OR52N4: variants seen among roughly 807,000 people sequenced by gnomAD.
OR52N4 encodes olfactory receptor 52N4.
OR52N4 carries 15 observed loss-of-function variants against 15.0 expected under a neutral mutation model. The observed-to-expected ratio is 1.00, with a 90% CI of 0.67 to 1.54. The LOEUF is 1.54. OR52N4 is among the 40% of genes most tolerant of loss of function. The pLI is 0.00. For missense variants in OR52N4, 421 were observed against 394.0 expected (o/e 1.07, Z -0.58); for synonymous variants, 143 against 143.7 (o/e 1.00, Z 0.03).
chr11:5,748,068 G>A, the OR52N4 span, among the ~76,000 whole-genome samples: 1 of 151,824 alleles, frequency 6.6e-6, no homozygotes, highest in Non-Finnish European at 1.5e-5. Context: ...AGATCAAGCT[G>A]TTACATAAAT....
chr11:5,754,673 G>GTTTTT lies in OR52N4; in HGVS notation c.-48-13_-48-9dup. The GTTTTT allele has an allele frequency of 8.3e-7, 1 of 1,205,014 alleles. No individual in the cohort carries two copies. The highest frequency in any genetic ancestry group is 1.1e-6 in the Non-Finnish European group (1 of 893,096). The allele number at this position is 1,205,014 out of a possible 1,614,324, so 74.6% of individuals were successfully genotyped here. A position where few individuals can be genotyped will look rare whatever the true frequency, so the allele number is the denominator to read the frequency against. ...GTAAAAATAACCTATATTTTCTCTTGTTTTTTTTTTTAACTCTAGGAAAGC... is the reference window on the plus strand; with the variant it reads ...GTAAAAATAACCTATATTTTCTCTTGTTTTTTTTTTTTTTTTAACTCTAGGAAAGC... On this transcript the variant is annotated intron_variant, in intron 1 of 1. Transcript: ENST00000641350.
At chr11:5,728,440 T>C in the OR52N4 span, among the ~76,000 whole-genome samples, 1 of 152,230 alleles carries the variant, frequency 6.6e-6, no homozygotes, top group South Asian at 2.1e-4. Flanking sequence ...TGGAAACCAG[T>C]TACTGTACAT....
At chr11:5,734,043 A>C in the OR52N4 span, 1 of 393,180 alleles carries the variant, frequency 2.5e-6, no homozygotes, top group Non-Finnish European at 5.0e-6. Flanking sequence ...GAGATCTATT[A>C]TGCTTAGGTC....
chr11:5,755,176 G>C lies in OR52N4; in HGVS notation c.436G>C (p.Val146Leu). The C allele has an allele frequency of 6.2e-7, 1 of 1,614,008 alleles. No homozygotes were observed. Among genetic ancestry groups the C allele is most frequent in the Non-Finnish European group, 8.5e-7 (1 of 1,179,966 alleles). ...CCTCACCAATCCTGTAATTGCAAAGGTTGGGACTGCCACCTTCCTGAGAGG... is the reference window on the plus strand; with the variant it reads ...CCTCACCAATCCTGTAATTGCAAAGCTTGGGACTGCCACCTTCCTGAGAGG... ...TILTNPVIAK[V>L]GTATFLRGVL... The change falls in exon 2 of 2, where the codon GTT becomes CTT. Residue 146 changes from valine (V) to leucine (L), a missense_variant. By Grantham distance (32) the Val-to-Leu change is conservative. Transcript: ENST00000641350.
chr11:5,746,320 G>C, the OR52N4 span, among the ~76,000 whole-genome samples: 4 of 152,228 alleles, frequency 2.6e-5, no homozygotes, highest in South Asian at 2.1e-4. Context: ...AAACTAAAAA[G>C]CTTCTGCAAA....
At chr11:5,752,360 C>T (rs1854208191), upstream of OR52N4, among the ~76,000 whole-genome samples, 1 of 152,216 alleles carries the variant, frequency 6.6e-6, no homozygotes, top group Non-Finnish European at 1.5e-5. Context: ...TCCTCTTCAT[C>T]TTACCCAATA....
At chr11:5,737,522 G>C in the OR52N4 span, 2 of 1,572,560 alleles carry the variant, frequency 1.3e-6, no homozygotes, top group African/African-American at 2.7e-5. Context: ...ATGAACCTCA[G>C]CTTCTCCTAA....
At chr11:5,753,507 T>G (rs1410029515), upstream of OR52N4, among the ~76,000 whole-genome samples, 2 of 152,180 alleles carry the variant, frequency 1.3e-5, no homozygotes, top group Non-Finnish European at 2.9e-5. Flanking sequence ...ATTTTCTGTA[T>G]GTATGCATTT....
At chr11:5,733,160 T>G in the OR52N4 span, among the ~76,000 whole-genome samples, 1 of 152,192 alleles carries the variant, frequency 6.6e-6, no homozygotes, top group African/African-American at 2.4e-5. Flanking sequence ...ATGCCTAAAT[T>G]ATCCTAAACC....
the OR52N4 span, among the ~76,000 whole-genome samples, chr11:5,733,792 T>C: frequency 1.3e-5 from 2 of 152,152 alleles, no homozygotes; most frequent in African/African-American, 4.8e-5. Flanking sequence ...ATAAATCTCC[T>C]AGCCACAGAA....
At chr11:5,731,252 G>T in the OR52N4 span, among the ~76,000 whole-genome samples, 1 of 152,142 alleles carries the variant, frequency 6.6e-6, no homozygotes, top group African/African-American at 2.4e-5. Flanking sequence ...CAGTCTAAGC[G>T]CTCTAAGTTG....
In OR52N4 at chr11:5,755,893, A is replaced by AT; in HGVS notation, c.*193dup. On this transcript the variant is annotated 3_prime_UTR_variant, in exon 2 of 2. Transcript: ENST00000641350. The stretch of plus-strand genomic sequence containing the variant: ...GGAAGGCCCACCAACATTTCTATAA[A>AT]TTTTTTACCTTCTCACTCATGTGAA... 1.5e-6 allele frequency: 1 copy of AT among 667,870 alleles called. No individual in the cohort carries two copies. 41.4% of individuals were successfully genotyped at this position (667,870 alleles called of 1,614,324 possible).
At chr11:5,732,612 C>A in the OR52N4 span, among the ~76,000 whole-genome samples, 1 of 152,050 alleles carries the variant, frequency 6.6e-6, no homozygotes, top group African/African-American at 2.4e-5. Flanking sequence ...CAACATTTAC[C>A]TAGACATCAT....
the OR52N4 span, among the ~76,000 whole-genome samples, chr11:5,740,087 C>T: frequency 1.6e-5 from 2 of 127,760 alleles, no homozygotes; most frequent in African/African-American, 5.6e-5. Flanking sequence ...CCCCAATAAA[C>T]CTATCTGATG....
At chr11:5,750,720 T>C (rs1854172958), upstream of OR52N4, among the ~76,000 whole-genome samples, 1 of 151,976 alleles carries the variant, frequency 6.6e-6, no homozygotes, top group South Asian at 2.1e-4. Context: ...AAATTCATAG[T>C]TTATAAATTC....
At chr11:5,752,999 G>A (rs1321934736), upstream of OR52N4, among the ~76,000 whole-genome samples, 1 of 151,920 alleles carries the variant, frequency 6.6e-6, no homozygotes, top group African/African-American at 2.4e-5. Context: ...ATTGTTACGT[G>A]GTATTTCATT....
the OR52N4 span, chr11:5,736,668 A>G: frequency 6.2e-7 from 1 of 1,613,806 alleles, no homozygotes; most frequent in Admixed American, 1.7e-5. Context: ...CTTGCTGCAA[A>G]CACCCTCATC....
At chr11:5,729,245 G>A in the OR52N4 span, among the ~76,000 whole-genome samples, 11 of 143,828 alleles carry the variant, frequency 7.6e-5, no homozygotes, top group Non-Finnish European at 1.5e-4. Context: ...TCAGCCTCCC[G>A]AGTAGCTAGG....
chr11:5,754,710 T>C lies in OR52N4; in HGVS notation c.-31T>C. The stretch of plus-strand genomic sequence containing the variant: ...AACTCTAGGAAAGCCCAGACAAATT[T>C]TGAGCTATTTCATAACCTACCAGAC... On this transcript the variant is annotated 5_prime_UTR_variant, in exon 2 of 2. Transcript: ENST00000641350. 6.4e-7 allele frequency: 1 copy of C among 1,550,836 alleles called. No homozygotes were observed. Among genetic ancestry groups the C allele is most frequent in the Non-Finnish European group, 8.7e-7 (1 of 1,150,976 alleles).
Sources: gnomAD v4.1 joint callset for allele counts (sites outside exome capture counted in the v4.1 genomes callset) on GRCh38, gnomAD v4.1.1 for gene constraint, MANE v1.5 for transcripts, NCBI Gene and HGNC (gene_info 2026-07-23, HGNC 2026-07-21) for gene names.